The following ZNF827 variants were observed in gnomAD, a reference collection of about 807,000 sequenced individuals.
ZNF827 encodes zinc finger protein 827.
ZNF827 carries 13 observed loss-of-function variants against 102.4 expected under a neutral mutation model. The observed-to-expected ratio is 0.13, with a 90% confidence interval of 0.08 to 0.20. ZNF827 has a LOEUF of 0.20. Among genes scored for constraint, ZNF827 ranks in the 10% least tolerant of loss-of-function variants. ZNF827 has a pLI of 1.00. For missense variants in ZNF827, 1,103 were observed against 1,344.4 expected, an observed-to-expected ratio of 0.82 and a Z score of 2.81; for synonymous variants, 523 against 536.2, an observed-to-expected ratio of 0.98 and a Z score of 0.34.
In ZNF827 at chr4:145,757,861, G is replaced by A. The variant is rs773706902; in HGVS notation, c.*3755C>T. The A allele has an allele frequency of 1.3e-5, 2 of 152,038 alleles. No homozygotes were observed. The highest frequency in any genetic ancestry group is 1.3e-4 in the Admixed American group (2 of 15,266). The allele number at this position is 152,038 out of a possible 1,614,324, so 9.4% of individuals were successfully genotyped here. A position where few individuals can be genotyped will look rare whatever the true frequency, so the allele number is the denominator to read the frequency against. On this transcript the variant is annotated 3_prime_UTR_variant, in exon 15 of 15. Transcript: ENST00000508784. ...ATGAAGAGTTAAAAAAAGGATAGAA[G>A]AAAGAAAGTGCTGAGAACCCTAACT...
chr4:145,903,771 C>G (rs1288533849), intron 1 of ZNF827, among the ~76,000 whole-genome samples: 1 of 152,202 alleles, frequency 6.6e-6, no homozygotes, highest in East Asian at 1.9e-4. Context: ...TACATAATAC[C>G]TGCTTAACTC....
At chr4:145,817,558 T>A (rs114464943) in intron 8 of ZNF827, among the ~76,000 whole-genome samples, 93 of 152,294 alleles carry the variant, frequency 6.1e-4, no homozygotes, top group Admixed American at 1.2e-3. Flanking sequence ...AAGGAGGAAC[T>A]GCCGAACACT....
At chr4:145,774,321 G>A (rs113092990) in intron 11 of ZNF827, among the ~76,000 whole-genome samples, 185 bp downstream of exon 11, 130 of 152,282 alleles carry the variant, frequency 8.5e-4, no homozygotes, top group African/African-American at 2.9e-3. Flanking sequence ...GAGGCACAAG[G>A]CATGCCAGGA....
rs200049079 is a variant in ZNF827 at position 145,903,027 on chromosome 4, T to C, written c.232A>G (p.Ser78Gly). Reference protein sequence around the residue: ...DTSLGSTTPSSHTLELVALDS... With the variant: ...DTSLGSTTPSGHTLELVALDS... ...AGTGCCACCAGCTCCAACGTGTGGC[T>C]GCTGGGAGTCGTGCTTCCCAAGGAG... Residue 78 changes from serine to glycine, a missense_variant, in exon 2 of 15, where the codon AGC becomes GGC. Transcript: ENST00000508784. 4 of 1,614,072 alleles carry C rather than the reference T, an allele frequency of 2.5e-6. No homozygotes were observed. The highest frequency in any genetic ancestry group is 8.5e-7 in the Non-Finnish European group (1 of 1,180,044).
intron 5 of ZNF827, among the ~76,000 whole-genome samples, chr4:145,857,953 G>A (rs551105852): frequency 1.3e-5 from 2 of 152,070 alleles, no homozygotes; most frequent in African/African-American, 4.8e-5. Context: ...TATTAAAAAG[G>A]CAGAAAAAAG....
chr4:145,905,466 G>A (rs904766896), intron 1 of ZNF827, among the ~76,000 whole-genome samples: 1 of 152,126 alleles, frequency 6.6e-6, no homozygotes, highest in Non-Finnish European at 1.5e-5. Flanking sequence ...AATGGAATTT[G>A]CTGGGAAAAA....
Position 145,902,700 on chromosome 4 carries a change from T to G in ZNF827, c.559A>C (p.Asn187His). 1 of 1,614,046 alleles carries G rather than the reference T, an allele frequency of 6.2e-7. No homozygotes were observed. The highest frequency in any genetic ancestry group is 1.3e-5 in the African/African-American group (1 of 75,030). The change falls in exon 2 of 15, where the codon AAC becomes CAC. Residue 187 changes from asparagine to histidine, a missense_variant. Coordinates refer to ENST00000508784, the MANE Select transcript of ZNF827 (RefSeq NM_001306215.2). The surrounding 1 kb of genome is among the most constrained non-coding windows in gnomAD (Gnocchi z 4.3). Reference protein sequence around the residue: ...QEQNDQYTPSNRFIWNQGKWL... With the variant: ...QEQNDQYTPSHRFIWNQGKWL... ...TTACCTTGATTCCATATAAAACGGT[T>G]ACTTGGAGTGTATTGGTCATTCTGT...
At chr4:145,874,840 C>G (rs1254643625) in intron 4 of ZNF827, among the ~76,000 whole-genome samples, 1 of 152,238 alleles carries the variant, frequency 6.6e-6, no homozygotes. Context: ...GGCCCCCTCT[C>G]TCGCTGTTTG....
At chr4:145,882,519 G>A (rs543721192) in intron 4 of ZNF827, among the ~76,000 whole-genome samples, 1 of 152,250 alleles carries the variant, frequency 6.6e-6, no homozygotes, top group Admixed American at 6.5e-5. Flanking sequence ...ACAGGAATGG[G>A]GGTGGGGGGT....
At chr4:145,866,177 T>C (rs145454850) in intron 5 of ZNF827, among the ~76,000 whole-genome samples, 7 of 152,298 alleles carry the variant, frequency 4.6e-5, no homozygotes, top group South Asian at 4.1e-4. Context: ...CAAACCTGCA[T>C]CTTCTACTAA....
At chr4:145,840,217 T>G (rs1173863482) in intron 7 of ZNF827, among the ~76,000 whole-genome samples, 3 of 152,352 alleles carry the variant, frequency 2.0e-5, no homozygotes, top group Admixed American at 2.0e-4. Flanking sequence ...TAGCAAAGAA[T>G]GTATTGCCAA....
chr4:145,846,772 G>T (rs1353494827), intron 6 of ZNF827, among the ~76,000 whole-genome samples: 1 of 145,006 alleles, frequency 6.9e-6, no homozygotes. Context: ...AGCCGAGATC[G>T]CGCCACTACA....
intron 8 of ZNF827, among the ~76,000 whole-genome samples, chr4:145,786,903 G>C (rs983025250): frequency 8.5e-5 from 13 of 152,176 alleles, no homozygotes; most frequent in African/African-American, 3.1e-4. Context: ...ACCTTGCAGT[G>C]TCACAGCTGT....
intron 8 of ZNF827, among the ~76,000 whole-genome samples, chr4:145,787,556 C>T (rs972464263): frequency 5.9e-5 from 9 of 151,306 alleles, no homozygotes; most frequent in African/African-American, 2.2e-4. Flanking sequence ...TAAGAGTTAA[C>T]AGCCTTGATC....
At chr4:145,932,949 T>C (rs1336465535) in intron 1 of ZNF827, among the ~76,000 whole-genome samples, 5 of 152,164 alleles carry the variant, frequency 3.3e-5, no homozygotes, top group Non-Finnish European at 7.3e-5. Context: ...GACTCTAAAA[T>C]CTCAAATGCA....
At position 145,765,314 on chromosome 4, in the gene ZNF827, TA is replaced by T. The variant is rs1560888205; in HGVS notation, c.3053-150del. 9.0e-6 allele frequency: 9 copies of T among 997,322 alleles called. No homozygotes were observed. The highest frequency in any genetic ancestry group is 4.3e-6 in the Non-Finnish European group (3 of 697,912). 61.8% of individuals were successfully genotyped at this position (997,322 alleles called of 1,614,324 possible). On this transcript the variant is annotated intron_variant, in intron 12 of 14. Transcript: ENST00000508784. This position sits in a 1 kb window ranked among gnomAD's most constrained non-coding sequence, Gnocchi z 4.7. The stretch of plus-strand genomic sequence containing the variant: ...GGCACTGTTCCCCATATCTCTGTGC[TA>T]AAAGGAGTTAAATGTACAAACATCG...
At chr4:145,803,961 G>A (rs1488884679) in intron 8 of ZNF827, among the ~76,000 whole-genome samples, 4 of 151,970 alleles carry the variant, frequency 2.6e-5, no homozygotes, top group African/African-American at 7.3e-5. Context: ...GTATATGCTT[G>A]TGCAACCCAG....
chr4:145,910,691 T>A (rs1752219756), intron 1 of ZNF827, among the ~76,000 whole-genome samples: 1 of 152,188 alleles, frequency 6.6e-6, no homozygotes. Flanking sequence ...CACAATGGTT[T>A]CCCATGTTTC....
At chr4:145,849,265 G>C in intron 6 of ZNF827, 57 bp downstream of exon 6, 1 of 1,573,022 alleles carries the variant, frequency 6.4e-7, no homozygotes, top group Non-Finnish European at 8.6e-7. Context: ...AACTGTGTTA[G>C]AAGGGTTTTC....
Sources: allele counts gnomAD v4.1 joint callset (sites outside exome capture counted in the v4.1 genomes callset), GRCh38; gene constraint gnomAD v4.1.1; non-coding constraint Gnocchi (gnomAD v3.1); transcripts MANE v1.5; gene names NCBI Gene and HGNC (gene_info 2026-07-23, HGNC 2026-07-21).